Variants in MAF observed in about 807,000 individuals in gnomAD.
The protein encoded by MAF is MAF bZIP transcription factor, also known as transcription factor Maf.
MAF carries 10 observed loss-of-function variants against 22.0 expected under a neutral mutation model. That is an observed-to-expected ratio of 0.45 (90% CI 0.28 to 0.77). The LOEUF (loss-of-function observed/expected upper bound fraction) is 0.77. Ranked by LOEUF, MAF falls within the 30% of genes least tolerant of loss-of-function variation. The pLI is 0.12. For missense variants in MAF, 544 were observed against 548.4 expected (o/e 0.99, Z 0.08); for synonymous variants, 337 against 255.8 (o/e 1.32, Z -3.03).
the MAF span, among the ~76,000 whole-genome samples, chr16:79,503,815 AC>A: frequency 4.6e-5 from 7 of 152,130 alleles, no homozygotes; most frequent in African/African-American, 1.7e-4. Context: ...CGTAGTCTTG[AC>A]CTTCTTTCAT....
chr16:79,469,064 A>C, the MAF span, among the ~76,000 whole-genome samples: 2 of 152,102 alleles, frequency 1.3e-5, no homozygotes. Context: ...ACACCCAATC[A>C]TGTGTCCCAA....
At chr16:79,249,746 C>T in the MAF span, among the ~76,000 whole-genome samples, 1 of 152,120 alleles carries the variant, frequency 6.6e-6, no homozygotes, top group Non-Finnish European at 1.5e-5. Flanking sequence ...TCCCCGCTCC[C>T]TCCCTCCCTT....
chr16:79,542,349 T>C, the MAF span, among the ~76,000 whole-genome samples: 1 of 152,146 alleles, frequency 6.6e-6, no homozygotes, highest in East Asian at 1.9e-4. Context: ...CCCTGGTGCG[T>C]GTTATTTTTG....
the MAF span, among the ~76,000 whole-genome samples, chr16:79,502,574 G>C: frequency 2.6e-5 from 4 of 151,640 alleles, no homozygotes; most frequent in South Asian, 6.2e-4. Flanking sequence ...GCTGGGGTGA[G>C]AGGATAGCCT....
chr16:79,465,920 G>A, the MAF span, among the ~76,000 whole-genome samples: 4 of 152,130 alleles, frequency 2.6e-5, no homozygotes, highest in Non-Finnish European at 5.9e-5. Flanking sequence ...TGATTATGAT[G>A]GATACATTTG....
the MAF span, among the ~76,000 whole-genome samples, chr16:79,566,927 T>C: frequency 6.6e-6 from 1 of 152,338 alleles, no homozygotes; most frequent in East Asian, 1.9e-4. Flanking sequence ...GATAGAATCT[T>C]GAATACCTCT....
chr16:79,539,873 G>A, the MAF span, among the ~76,000 whole-genome samples: 4 of 152,304 alleles, frequency 2.6e-5, no homozygotes, highest in South Asian at 2.1e-4. Flanking sequence ...AAGATTCTCC[G>A]AGGTAAAAAT....
the MAF span, among the ~76,000 whole-genome samples, chr16:79,313,773 T>C: frequency 2.0e-5 from 3 of 152,128 alleles, no homozygotes; most frequent in Non-Finnish European, 4.4e-5. Context: ...ATCCCTAGGA[T>C]TTCAGCTCAG....
At chr16:79,394,520 G>C in the MAF span, among the ~76,000 whole-genome samples, 2 of 152,146 alleles carry the variant, frequency 1.3e-5, no homozygotes, top group Admixed American at 6.5e-5. Flanking sequence ...ACTAGATGGG[G>C]CACATACTCT....
chr16:79,256,819 G>A, the MAF span, among the ~76,000 whole-genome samples: 1 of 152,084 alleles, frequency 6.6e-6, no homozygotes, highest in Non-Finnish European at 1.5e-5. Context: ...TGGTGCTCAC[G>A]TGAGTCTAGG....
chr16:79,565,060 C>T, the MAF span, among the ~76,000 whole-genome samples: 4 of 152,128 alleles, frequency 2.6e-5, no homozygotes, highest in Admixed American at 1.3e-4. Context: ...TGGAAATAAA[C>T]AGCTTTGCAA....
chr16:79,214,687 G>T, the MAF span, among the ~76,000 whole-genome samples: 1 of 141,296 alleles, frequency 7.1e-6, no homozygotes, highest in Non-Finnish European at 1.5e-5. Flanking sequence ...TTACAGGTGT[G>T]AGCCACTGTG....
At chr16:79,421,553 G>A in the MAF span, among the ~76,000 whole-genome samples, 4 of 152,118 alleles carry the variant, frequency 2.6e-5, no homozygotes, top group African/African-American at 9.7e-5. Flanking sequence ...CAGATCGGAA[G>A]ACAGAAACCT....
chr16:79,204,274 T>A, the MAF span: 2 of 152,100 alleles, frequency 1.3e-5, no homozygotes, highest in South Asian at 4.1e-4. Context: ...TACCTTCTCT[T>A]AGTTCTAATG....
the MAF span, among the ~76,000 whole-genome samples, chr16:79,394,058 G>A: frequency 1.3e-5 from 2 of 152,148 alleles, no homozygotes; most frequent in Admixed American, 6.5e-5. Context: ...TTCACCACGT[G>A]CATGTTCTTC....
chr16:79,373,700 A>G, the MAF span, among the ~76,000 whole-genome samples: 1 of 152,044 alleles, frequency 6.6e-6, no homozygotes, highest in Non-Finnish European at 1.5e-5. Context: ...AAGAAGAGGA[A>G]GAGAGACTTG....
chr16:79,296,484 A>G, the MAF span, among the ~76,000 whole-genome samples: 1 of 152,204 alleles, frequency 6.6e-6, no homozygotes, highest in Non-Finnish European at 1.5e-5. Context: ...TACTTATGTA[A>G]CAAACCTGCA....
the MAF span, among the ~76,000 whole-genome samples, chr16:79,517,455 T>C: frequency 6.6e-6 from 1 of 152,222 alleles, no homozygotes; most frequent in African/African-American, 2.4e-5. Context: ...TTCTCAATAA[T>C]TTAAACAACA....
chr16:79,432,155 G>C, the MAF span, among the ~76,000 whole-genome samples: 7 of 152,192 alleles, frequency 4.6e-5, no homozygotes, highest in Admixed American at 1.3e-4. Flanking sequence ...CTGATAGTGA[G>C]TGAGTTCTCA....
Sources: gnomAD v4.1 joint callset for allele counts (sites outside exome capture counted in the v4.1 genomes callset) on GRCh38, gnomAD v4.1.1 for gene constraint, MANE v1.5 for transcripts, NCBI Gene and HGNC (gene_info 2026-07-23, HGNC 2026-07-21) for gene names.